The following RPGRIP1 variants were observed in gnomAD, a reference collection of about 807,000 sequenced individuals.
RPGRIP1 encodes X-linked retinitis pigmentosa GTPase regulator-interacting protein 1.
Under a neutral mutation model 157.9 loss-of-function variants are expected in RPGRIP1, and 128 were observed. The observed-to-expected ratio is 0.81, with a 90% confidence interval of 0.70 to 0.94. RPGRIP1 has a LOEUF of 0.94. Among genes scored for constraint, RPGRIP1 ranks in the 40% least tolerant of loss-of-function variants. The probability of loss-of-function intolerance (pLI) is 0.00; values close to 1 mark genes in which losing one functional copy is unlikely to be tolerated. For synonymous variants in RPGRIP1, 554 were observed against 571.6 expected (o/e 0.97, Z 0.44); for missense variants, 1,486 against 1,545.8 (o/e 0.96, Z 0.65).
Position 21,330,372 on chromosome 14 carries a change from C to T in RPGRIP1, c.3223C>T (p.Leu1075=). The T allele has an allele frequency of 6.5e-7, 1 of 1,530,460 alleles. No individual in the cohort carries two copies. Among genetic ancestry groups the T allele is most frequent in the Non-Finnish European group, 8.7e-7 (1 of 1,146,378 alleles). The allele number at this position is 1,530,460 out of a possible 1,614,324, so 94.8% of individuals were successfully genotyped here. A position where few individuals can be genotyped will look rare whatever the true frequency, so the allele number is the denominator to read the frequency against. ...SHSALKQKEP[L]HPVNDKESSE... ...TTCAGCACTGAAACAGAAGGAACCT[C>T]TACATCCTGTAAATGGTATTGTCTT... The change falls in exon 20 of 25, where the codon CTA becomes TTA. Residue 1075 remains leucine, a synonymous_variant. Transcript: ENST00000400017.
intron 2 of RPGRIP1, among the ~76,000 whole-genome samples, chr14:21,293,830 G>A (rs1346208657): frequency 6.6e-6 from 1 of 151,888 alleles, no homozygotes; most frequent in African/African-American, 2.4e-5. Flanking sequence ...AGTGAGCCGA[G>A]ATGGCGCCAC....
In RPGRIP1 at chr14:21,282,963, C is replaced by T. The variant is rs572015376; in HGVS notation, c.-39+2804C>T. On this transcript the variant is annotated intron_variant, in intron 1 of 24. Coordinates refer to ENST00000400017, the MANE Select transcript of RPGRIP1 (RefSeq NM_020366.4). ...TTAAATCTGGCCACTGGATGTTCAA[C>T]ACGCCTTCACTGACAGTCTCAACTG... Among the ~76,000 whole-genome samples, 55 of 152,270 alleles carry T rather than the reference C, an allele frequency of 3.6e-4. No homozygotes were observed. In the South Asian group the frequency reaches 0.011, roughly 32 times the overall value.
At position 21,348,245 on chromosome 14, in the gene RPGRIP1, C is replaced by T. The variant is rs1474212159; in HGVS notation, c.3691C>T (p.Leu1231Phe). ...KECEEVGYAY[L>F]QLWQILESGR... ...ATGTGAAGAAGTGGGATATGCATAT[C>T]TTCAACTGTGGCAGATCCTGGAGTC... The change falls in exon 24 of 25, where the codon CTT (leucine) becomes TTT (phenylalanine). Residue 1231 changes from leucine (L) to phenylalanine (F), a missense_variant. Transcript: ENST00000400017. 1.9e-6 allele frequency: 3 copies of T among 1,592,124 alleles called. No homozygotes were observed. The highest frequency in any genetic ancestry group is 2.6e-6 in the Non-Finnish European group (3 of 1,168,276).
At position 21,321,284 on chromosome 14, in the gene RPGRIP1, A is replaced by G; in HGVS notation, c.1493A>G (p.Glu498Gly). Reference sequence around the variant, plus strand: ...CCAAGTGAACCCAAAAACCAAGAAGAAAAGAAACTGTCCCAGGTGCTAAAT... The same window carrying G: ...CCAAGTGAACCCAAAAACCAAGAAGGAAAGAAACTGTCCCAGGTGCTAAAT... ...IEPSEPKNQE[E>G]KKLSQVLNEL... Residue 498 changes from glutamate (E) to glycine (G), a missense_variant, in exon 13 of 25, where the codon GAA becomes GGA. Physicochemically the swap from Glu to Gly is moderately conservative, Grantham distance 98 (BLOSUM62 -2). Coordinates refer to ENST00000400017, the MANE Select transcript of RPGRIP1 (RefSeq NM_020366.4). The G allele has an allele frequency of 6.2e-7, 1 of 1,613,634 alleles. No individual in the cohort carries two copies. Among genetic ancestry groups the G allele is most frequent in the Non-Finnish European group, 8.5e-7 (1 of 1,179,770 alleles).
At chr14:21,285,142 C>G (rs183689401) in intron 1 of RPGRIP1, among the ~76,000 whole-genome samples, 28 of 152,030 alleles carry the variant, frequency 1.8e-4, no homozygotes, top group Non-Finnish European at 3.1e-4. Flanking sequence ...AAGGTAGTTT[C>G]TGTGTATAGT....
chr14:21,335,186 C>T (rs538424443), intron 21 of RPGRIP1, among the ~76,000 whole-genome samples: 5 of 151,694 alleles, frequency 3.3e-5, no homozygotes, highest in Admixed American at 1.3e-4. Flanking sequence ...GAATGAAGGT[C>T]GGCTGGTACA....
At chr14:21,302,989 C>T (rs1465591536) in intron 5 of RPGRIP1, 1 of 225,090 alleles carries the variant, frequency 4.4e-6, no homozygotes, top group East Asian at 1.2e-4. Flanking sequence ...CCTGCCTCAG[C>T]CTCCTAAGTA....
chr14:21,314,146 C>T (rs1364704518), intron 10 of RPGRIP1, among the ~76,000 whole-genome samples: 2 of 151,942 alleles, frequency 1.3e-5, no homozygotes, highest in Non-Finnish European at 2.9e-5. Context: ...TGGTGTTTTG[C>T]CATGTTGCCC....
chr14:21,327,499 G>A lies in RPGRIP1; in HGVS notation c.2711-124G>A, dbSNP rs1883234553. The A allele has an allele frequency of 2.5e-5, 19 of 753,108 alleles. No homozygotes were observed. The South Asian group carries it at 3.1e-4, about 12-fold the overall frequency. 46.7% of individuals were successfully genotyped at this position (753,108 alleles called of 1,614,324 possible). A position where few individuals can be genotyped will look rare whatever the true frequency, so the allele number is the denominator to read the frequency against. On this transcript the variant is annotated intron_variant, in intron 17 of 24. Coordinates refer to ENST00000400017, the MANE Select transcript of RPGRIP1 (RefSeq NM_020366.4). ...TCATCATCGTAATTATTTAATGGAT[G>A]TTAATTAATTGCTGATAAAATATGT...
chr14:21,320,173 T>A lies in RPGRIP1; in HGVS notation c.1463T>A (p.Ile488Asn). The A allele has an allele frequency of 1.2e-6, 2 of 1,613,788 alleles. No individual in the cohort carries two copies. The highest frequency in any genetic ancestry group is 1.7e-6 in the Non-Finnish European group (2 of 1,179,808). Residue 488 changes from isoleucine (I) to asparagine (N), a missense_variant, in exon 12 of 25, where the codon ATC becomes AAC. Physicochemically the swap from Ile to Asn is moderately radical, Grantham distance 149 (BLOSUM62 -3). Coordinates refer to ENST00000400017, the MANE Select transcript of RPGRIP1 (RefSeq NM_020366.4). ...HPAVLQENTQIEPSEPKNQEE... is the reference protein window; with the variant it reads ...HPAVLQENTQNEPSEPKNQEE... ...GCTGTATTGCAAGAGAACACTCAGA[T>A]CGAGGTAAGAGCCTCTTTAAACAAA...
chr14:21,324,980 A>G lies in RPGRIP1; in HGVS notation c.2125A>G (p.Ser709Gly), dbSNP rs1364924625. The G allele has an allele frequency of 1.2e-6, 2 of 1,614,054 alleles. No homozygotes were observed. Among genetic ancestry groups the G allele is most frequent in the Non-Finnish European group, 1.7e-6 (2 of 1,179,898 alleles). ...ARLDIHQAMA[S>G]EHSTLAAGWI... ...GCTTGACATACACCAGGCCATGGCCAGTGAACACAGCACTCTTGCTGCAGG... is the reference window on the plus strand; with the variant it reads ...GCTTGACATACACCAGGCCATGGCCGGTGAACACAGCACTCTTGCTGCAGG... The change falls in exon 15 of 25, where the codon AGT becomes GGT. Residue 709 changes from serine to glycine, a missense_variant. By Grantham distance (56) the Ser-to-Gly change is moderately conservative. Transcript: ENST00000400017.
intron 12 of RPGRIP1, 40 bp from the exon 13 acceptor site, chr14:21,321,219 A>G: frequency 2.5e-6 from 4 of 1,578,932 alleles, no homozygotes; most frequent in Non-Finnish European, 3.4e-6. Flanking sequence ...TTTACCTGTC[A>G]TATTTATACT....
At position 21,327,758 on chromosome 14, in the gene RPGRIP1, A is replaced by G; in HGVS notation, c.2846A>G (p.Asp949Gly). The G allele has an allele frequency of 1.2e-6, 2 of 1,613,350 alleles. No individual in the cohort carries two copies. Among genetic ancestry groups the G allele is most frequent in the South Asian group, 1.1e-5 (1 of 91,006 alleles). Residue 949 changes from aspartate to glycine, a missense_variant, in exon 18 of 25, where the codon GAC becomes GGC. Asp to Gly is a moderately conservative substitution (Grantham distance 94). Transcript: ENST00000400017. ...CAGACTAAGGGGAAGGATACCAAGG[A>G]CAGTTCAAAGATCTCATCTGAAGAG... ...EAQTKGKDTK[D>G]SSKISSEEEK...
In RPGRIP1 at chr14:21,314,199, C is replaced by A. The variant is rs555342305; in HGVS notation, c.1151+1693C>A. ...CCAGGCTCAAGTGATTTTTCCACCT[C>A]AGCCTCCCGAGTAGCTGGGACCACA... On this transcript the variant is annotated intron_variant, in intron 10 of 24. Coordinates refer to ENST00000400017, the MANE Select transcript of RPGRIP1 (RefSeq NM_020366.4). Among the ~76,000 whole-genome samples, 6 of 151,978 alleles carry A rather than the reference C, an allele frequency of 3.9e-5. No homozygotes were observed. In the South Asian group the frequency reaches 8.3e-4, roughly 21 times the overall value.
At chr14:21,346,744 C>G (rs1885612650) in intron 23 of RPGRIP1, among the ~76,000 whole-genome samples, 1 of 152,080 alleles carries the variant, frequency 6.6e-6, no homozygotes, top group Admixed American at 6.5e-5. Flanking sequence ...ACTATGTTGC[C>G]CAGCTGGTCT....
At chr14:21,336,254 C>T (rs1382288576) in intron 21 of RPGRIP1, among the ~76,000 whole-genome samples, 1 of 152,072 alleles carries the variant, frequency 6.6e-6, no homozygotes, top group Non-Finnish European at 1.5e-5. Flanking sequence ...TCAATTTCAG[C>T]TGAGGTGTGG....
intron 10 of RPGRIP1, 153 bp from the exon 11 acceptor site, chr14:21,317,543 G>C: frequency 6.6e-7 from 1 of 1,514,258 alleles, no homozygotes; most frequent in Non-Finnish European, 8.8e-7. Flanking sequence ...CAAGGCAGTT[G>C]GTAAATGACA....
intron 18 of RPGRIP1, 46 bp downstream of exon 18, chr14:21,327,853 T>C: frequency 1.4e-6 from 2 of 1,422,538 alleles, no homozygotes; most frequent in Non-Finnish European, 1.9e-6. Flanking sequence ...GCCAATCCTA[T>C]GGAGCAGATT....
intron 19 of RPGRIP1, among the ~76,000 whole-genome samples, chr14:21,329,526 G>T (rs1209569954): frequency 7.1e-6 from 1 of 140,962 alleles, no homozygotes; most frequent in African/African-American, 2.6e-5. Context: ...TTTTGAGACC[G>T]AGTCTTGCTC....
Sources: allele counts gnomAD v4.1 joint callset (sites outside exome capture counted in the v4.1 genomes callset), GRCh38; gene constraint gnomAD v4.1.1; transcripts MANE v1.5; gene names NCBI Gene and HGNC (gene_info 2026-07-23, HGNC 2026-07-21).